NRXN1: variants seen among roughly 807,000 people sequenced by gnomAD.
NRXN1 encodes neurexin 1.
NRXN1 carries 39 observed loss-of-function variants against 150.9 expected under a neutral mutation model. That is an observed-to-expected ratio of 0.26 (90% CI 0.20 to 0.34). NRXN1 has a LOEUF of 0.34. NRXN1 is among the 10% of genes least tolerant of loss of function. NRXN1 has a pLI of 1.00. For synonymous variants in NRXN1, 924 were observed against 757.0 expected (o/e 1.22, Z -3.62); for missense variants, 1,815 against 1,949.9 (o/e 0.93, Z 1.30).
At chr2:50,220,850 T>C (rs930984603) in intron 18 of NRXN1, among the ~76,000 whole-genome samples, 1 of 151,814 alleles carries the variant, frequency 6.6e-6, no homozygotes, top group Non-Finnish European at 1.5e-5. Flanking sequence ...CAACCACAAT[T>C]CCCCTAAGCC....
intron 9 of NRXN1, among the ~76,000 whole-genome samples, chr2:50,551,072 GAA>G (rs1491563221): frequency 8.2e-5 from 11 of 134,084 alleles, no homozygotes; most frequent in Non-Finnish European, 1.7e-4. Context: ...AGAAGAAGAA[GAA>G]GAGGAGGAGG....
chr2:49,979,906 G>GTTTTTT (rs958895922), intron 21 of NRXN1, among the ~76,000 whole-genome samples: 4 of 65,990 alleles, frequency 6.1e-5, no homozygotes, highest in Non-Finnish European at 1.2e-4. Flanking sequence ...TGTTTTTTTG[G>GTTTTTT]TTTTTTTTTT....
At chr2:50,954,397 C>T (rs1691925083) in intron 2 of NRXN1, among the ~76,000 whole-genome samples, 1 of 152,116 alleles carries the variant, frequency 6.6e-6, no homozygotes, top group Non-Finnish European at 1.5e-5. Flanking sequence ...CAGTTCATTG[C>T]AGAGCTTAAA....
At chr2:50,934,561 T>C (rs937910834) in intron 2 of NRXN1, among the ~76,000 whole-genome samples, 1 of 152,200 alleles carries the variant, frequency 6.6e-6, no homozygotes, top group Non-Finnish European at 1.5e-5. Context: ...AGCCACTGGC[T>C]ACCAGGCTGG....
chr2:50,650,247 C>G (rs979147147), intron 5 of NRXN1, among the ~76,000 whole-genome samples: 2 of 152,032 alleles, frequency 1.3e-5, no homozygotes, highest in African/African-American at 2.4e-5. Flanking sequence ...GATGCCAGAC[C>G]TCTTGCTTTT....
chr2:50,540,795 G>T (rs908707338), intron 9 of NRXN1, among the ~76,000 whole-genome samples: 11 of 152,160 alleles, frequency 7.2e-5, no homozygotes, highest in Non-Finnish European at 1.5e-5. Context: ...CCAAGTAGCT[G>T]GGATTACAGG....
intron 5 of NRXN1, among the ~76,000 whole-genome samples, chr2:50,910,775 A>G (rs1340952676): frequency 5.3e-5 from 8 of 151,924 alleles, no homozygotes; most frequent in African/African-American, 7.2e-5. Context: ...AGTGTGCGCA[A>G]TGACTGAATA....
chr2:50,625,122 T>G (rs182416679), intron 5 of NRXN1, among the ~76,000 whole-genome samples: 1 of 151,906 alleles, frequency 6.6e-6, no homozygotes, highest in African/African-American at 2.4e-5. Flanking sequence ...TCAGCAGGTG[T>G]TGCATTCTCC....
At chr2:50,296,382 T>A (rs2152950213) in intron 17 of NRXN1, among the ~76,000 whole-genome samples, 1 of 152,222 alleles carries the variant, frequency 6.6e-6, no homozygotes, top group South Asian at 2.1e-4. Context: ...AAAATACAGA[T>A]CATGGGGATA....
At chr2:50,644,808 A>T (rs545975428) in intron 5 of NRXN1, among the ~76,000 whole-genome samples, 7 of 144,378 alleles carry the variant, frequency 4.8e-5, no homozygotes, top group African/African-American at 1.3e-4. Flanking sequence ...TATATATATA[A>T]TATATATGAA....
intron 18 of NRXN1, among the ~76,000 whole-genome samples, chr2:50,214,153 T>A (rs2063224803): frequency 6.6e-6 from 1 of 151,966 alleles, no homozygotes. Context: ...TTTCAGCTTA[T>A]CTACATACTG....
At chr2:50,896,746 TG>T (rs1490022064) in intron 5 of NRXN1, among the ~76,000 whole-genome samples, 1 of 151,046 alleles carries the variant, frequency 6.6e-6, no homozygotes, top group East Asian at 2.0e-4. Flanking sequence ...CTCAGGAGGC[TG>T]GGGGCAGGAG....
At chr2:50,953,821 A>G (rs898012226) in intron 2 of NRXN1, among the ~76,000 whole-genome samples, 1 of 152,272 alleles carries the variant, frequency 6.6e-6, no homozygotes, top group East Asian at 1.9e-4. Flanking sequence ...TCGGTCTCCC[A>G]AAGTGTTGAG....
intron 5 of NRXN1, among the ~76,000 whole-genome samples, chr2:50,877,453 C>A (rs1339247357): frequency 6.6e-6 from 1 of 151,830 alleles, no homozygotes; most frequent in East Asian, 1.9e-4. Context: ...AAACACTGAA[C>A]TTTTTCCACT....
chr2:50,976,266 A>G (rs1174462853), intron 2 of NRXN1, among the ~76,000 whole-genome samples: 1 of 147,744 alleles, frequency 6.8e-6, no homozygotes, highest in African/African-American at 2.5e-5. Flanking sequence ...CTAAGTGGGG[A>G]TTCTTTCTTG....
chr2:50,745,308 C>A (rs1033836378), intron 5 of NRXN1, among the ~76,000 whole-genome samples: 6 of 147,902 alleles, frequency 4.1e-5, no homozygotes, highest in Non-Finnish European at 8.9e-5. Flanking sequence ...TGCCCCCCCC[C>A]AGGACTGAAA....
intron 5 of NRXN1, chr2:50,917,112 G>T (rs1163698859): frequency 6.6e-6 from 1 of 151,720 alleles, no homozygotes; most frequent in South Asian, 2.1e-4. Context: ...ATCCAGTATT[G>T]CAAGAGTAGA....
intron 5 of NRXN1, among the ~76,000 whole-genome samples, chr2:50,655,233 G>C (rs1464876743): frequency 6.7e-6 from 1 of 149,946 alleles, no homozygotes; most frequent in Non-Finnish European, 1.5e-5. Flanking sequence ...TTTTCCATCT[G>C]TATCTTTCAT....
Position 50,531,424 on chromosome 2 carries a change from G to A in NRXN1, c.2150C>T (p.Thr717Met), listed in dbSNP as rs202044060. The change falls in exon 11 of 23, where the codon ACG becomes ATG. Residue 717 changes from threonine (T) to methionine (M), a missense_variant. Around this residue, in one of 6 missense-constraint regions of NRXN1, gnomAD observed 638 missense variants for 652.6 expected, o/e 0.98. Transcript: ENST00000401669. The stretch of plus-strand genomic sequence containing the variant: ...CATGCTCCCATCATAGCTCAAAACC[G>A]TTGCCTCTAGAGATGGAAAATGAAT... ...YLGRSCEREA[T>M]VLSYDGSMFM... The A allele has an allele frequency of 2.7e-5, 43 of 1,609,272 alleles. No homozygotes were observed. Among genetic ancestry groups the A allele is most frequent in the Non-Finnish European group, 3.3e-5 (39 of 1,177,518 alleles).
Sources: gnomAD v4.1 joint callset for allele counts (sites outside exome capture counted in the v4.1 genomes callset) on GRCh38, gnomAD v4.1.1 for gene constraint, gnomAD v4.1.1 regional missense constraint, MANE v1.5 for transcripts, NCBI Gene and HGNC (gene_info 2026-07-23, HGNC 2026-07-21) for gene names.